WDFY3: variants seen among roughly 807,000 people sequenced by gnomAD.
WDFY3 encodes WD repeat and FYVE domain containing 3.
A neutral mutation model predicts 409.6 loss-of-function variants in WDFY3; 66 were observed. That is an observed-to-expected ratio of 0.16 (90% CI 0.13 to 0.20). The LOEUF (loss-of-function observed/expected upper bound fraction) is 0.20. Ranked by LOEUF, WDFY3 falls within the 10% of genes least tolerant of loss-of-function variation. The probability of loss-of-function intolerance (pLI) is 1.00; values close to 1 mark genes in which losing one functional copy is unlikely to be tolerated. For missense variants in WDFY3, 3,031 were observed against 4,298.1 expected (o/e 0.71, Z 8.24); for synonymous variants, 1,521 against 1,537.1 (o/e 0.99, Z 0.25).
chr4:84,962,272 C>CT (rs914222069), intron 1 of WDFY3, among the ~76,000 whole-genome samples: 98 of 147,370 alleles, frequency 6.6e-4, no homozygotes, highest in Middle Eastern at 3.6e-3. Flanking sequence ...ATCAGAGATT[C>CT]TTTTTTTTTT....
Position 84,757,269 on chromosome 4 carries a change from C to CTGGATATCCAGAATATCCAGTAGTAT in WDFY3, c.5189-109_5189-108insATACTACTGGATATTCTGGATATCCA, listed in dbSNP as rs1183791012. On this transcript the variant is annotated intron_variant, in intron 32 of 67. Coordinates refer to ENST00000295888, the MANE Select transcript of WDFY3 (RefSeq NM_014991.6). ...TATGTGTTAACATTTCTATCCAGAA[C>CTGGATATCCAGAATATCCAGTAGTAT]ATTCATACTACTATAGGCAATTAAG... The CTGGATATCCAGAATATCCAGTAGTAT allele has an allele frequency of 8.6e-6, 8 of 932,746 alleles. No individual in the cohort carries two copies. The African/African-American group carries it at 1.3e-4, about 15-fold the overall frequency. 57.8% of individuals were successfully genotyped at this position (932,746 alleles called of 1,614,324 possible). A position where few individuals can be genotyped will look rare whatever the true frequency, so the allele number is the denominator to read the frequency against.
At chr4:84,922,628 T>C (rs201752973) in intron 2 of WDFY3, among the ~76,000 whole-genome samples, 2 of 152,196 alleles carry the variant, frequency 1.3e-5, no homozygotes, top group East Asian at 1.9e-4. Context: ...TTTAATCTTA[T>C]TGCTTTTACC....
At chr4:84,857,726 A>G (rs1024527389) in intron 4 of WDFY3, among the ~76,000 whole-genome samples, 5 of 152,124 alleles carry the variant, frequency 3.3e-5, no homozygotes, top group African/African-American at 1.2e-4. Flanking sequence ...TTCCTACTCT[A>G]CCATCTCCTC....
intron 34 of WDFY3, 37 bp from the exon 35 acceptor site, chr4:84,753,913 G>C (rs1365856124): frequency 1.3e-6 from 2 of 1,500,732 alleles, no homozygotes; most frequent in African/African-American, 1.4e-5. Flanking sequence ...CTATGTTACA[G>C]TTATTGACAC....
chr4:84,717,820 G>A lies in WDFY3; in HGVS notation c.7754+602C>T, dbSNP rs537358743. On this transcript the variant is annotated intron_variant, in intron 48 of 67. Transcript: ENST00000295888. Reference sequence around the variant, plus strand: ...TCCCAACACTTTGGGAGGCCGAGGCGGGCGGATCACAAGGTCAGGAGATTG... The same window carrying A: ...TCCCAACACTTTGGGAGGCCGAGGCAGGCGGATCACAAGGTCAGGAGATTG... Among the ~76,000 whole-genome samples, 26 of 152,144 alleles carry A rather than the reference G, an allele frequency of 1.7e-4. 1 individual carries two copies. In the South Asian group the frequency reaches 4.4e-3, roughly 25 times the overall value.
chr4:84,815,500 C>G (rs1410279771), intron 13 of WDFY3, among the ~76,000 whole-genome samples: 1 of 152,148 alleles, frequency 6.6e-6, no homozygotes, highest in Non-Finnish European at 1.5e-5. Context: ...AAGGAAAATA[C>G]AAGTTCATGT....
chr4:84,766,297 A>C lies in WDFY3; in HGVS notation c.4925T>G (p.Leu1642Arg), dbSNP rs777245154. The part of the protein sequence containing the change: ...LLRNRLLDIL[L>R]KLIYTSKEKT... ...TTCTTTAGATGTATAAATTAGTTTT[A>C]GCAAGATATCCAGAAGTCTGTTCCT... Residue 1642 changes from leucine to arginine, a missense_variant, in exon 31 of 68, where the codon CTA becomes CGA. Transcript: ENST00000295888. The C allele has an allele frequency of 1.9e-6, 3 of 1,601,026 alleles. No homozygotes were observed. The South Asian group carries it at 3.4e-5, about 18-fold the overall frequency.
chr4:84,838,028 T>G (rs560549268), intron 6 of WDFY3, among the ~76,000 whole-genome samples: 76 of 152,236 alleles, frequency 5.0e-4, no homozygotes, highest in African/African-American at 1.8e-3. Context: ...TGACTAACAC[T>G]GCCAGGAATG....
intron 45 of WDFY3, among the ~76,000 whole-genome samples, chr4:84,725,265 A>G (rs539790281): frequency 6.6e-6 from 1 of 152,332 alleles, no homozygotes; most frequent in South Asian, 2.1e-4. Flanking sequence ...TGTTGTGTAA[A>G]GGAATATGAT....
chr4:84,828,471 C>G lies in WDFY3; in HGVS notation c.956+533G>C, dbSNP rs184910428. 3.4e-3 allele frequency among the ~76,000 whole-genome samples: 511 copies of G among 152,234 alleles called. 1 individual carries two copies. Among genetic ancestry groups the G allele is most frequent in the Non-Finnish European group, 5.2e-3 (355 of 68,002 alleles). On this transcript the variant is annotated intron_variant, in intron 9 of 67. Transcript: ENST00000295888. ...TTTAAGAAGATATTAATTAGTTTAT[C>G]TAAATTCTTCTCCCTCAGCTACTAA...
chr4:84,929,960 T>C (rs959278867), intron 2 of WDFY3, among the ~76,000 whole-genome samples: 10 of 149,242 alleles, frequency 6.7e-5, no homozygotes, highest in East Asian at 3.9e-4. Flanking sequence ...AGGAAGACCG[T>C]GCAAAGAGAC....
chr4:84,724,134 CAT>C (rs1163788705), intron 46 of WDFY3, among the ~76,000 whole-genome samples: 1 of 152,082 alleles, frequency 6.6e-6, no homozygotes, highest in Admixed American at 6.5e-5. Context: ...TGAAAAAATA[CAT>C]ATGTGTATTA....
At chr4:84,821,826 T>C (rs886156813) in intron 10 of WDFY3, among the ~76,000 whole-genome samples, 4 of 152,186 alleles carry the variant, frequency 2.6e-5, no homozygotes, top group Non-Finnish European at 2.9e-5. Context: ...AATAAAAGCA[T>C]ATTATTATAA....
At chr4:84,745,685 T>C (rs1212445695) in intron 36 of WDFY3, among the ~76,000 whole-genome samples, 2 of 152,166 alleles carry the variant, frequency 1.3e-5, no homozygotes, top group East Asian at 1.9e-4. Context: ...GGAGTTTGGT[T>C]TGTCATTAAA....
Position 84,677,316 on chromosome 4 carries a change from G to A in WDFY3, c.10340C>T (p.Ala3447Val). ...TTCATCCTTCACCCAGTGATCAGCA[G>A]CAGAACGGCCTGGCTGGTCACTCAC... ...WSVSDQPGRS[A>V]ADHWVKDEGG... The change falls in exon 67 of 68, where the codon GCT becomes GTT. Residue 3447 changes from alanine to valine, a missense_variant. Physicochemically the swap from Ala to Val is moderately conservative, Grantham distance 64. Around this residue, in one of 16 missense-constraint regions of WDFY3, gnomAD observed 378 missense variants for 477.3 expected, o/e 0.79. Coordinates refer to ENST00000295888, the MANE Select transcript of WDFY3 (RefSeq NM_014991.6). The A allele has an allele frequency of 6.2e-7, 1 of 1,614,214 alleles. No homozygotes were observed. The highest frequency in any genetic ancestry group is 8.5e-7 in the Non-Finnish European group (1 of 1,180,036).
In WDFY3 at chr4:84,932,368, T is replaced by C. The variant is rs962988379; in HGVS notation, c.-225-5A>G. On this transcript the variant is annotated splice_polypyrimidine_tract_variant and splice_region_variant and intron_variant, in intron 1 of 67. Transcript: ENST00000295888. Reference sequence around the variant, plus strand: ...AGACGTGGAGAAGTATTATACCTGATGAAGGAAAGGAAAAGAAAACTCAGT... The same window carrying C: ...AGACGTGGAGAAGTATTATACCTGACGAAGGAAAGGAAAAGAAAACTCAGT... The C allele has an allele frequency of 2.0e-5, 3 of 152,138 alleles. No homozygotes were observed. Among genetic ancestry groups the C allele is most frequent in the Non-Finnish European group, 4.4e-5 (3 of 68,022 alleles). The allele number at this position is 152,138 out of a possible 1,614,324, so 9.4% of individuals were successfully genotyped here.
intron 1 of WDFY3, among the ~76,000 whole-genome samples, chr4:84,939,871 A>G (rs1771896529): frequency 6.6e-6 from 1 of 152,076 alleles, no homozygotes; most frequent in Non-Finnish European, 1.5e-5. Flanking sequence ...TAATTCCAAG[A>G]ATTTGGAGTT....
intron 3 of WDFY3, among the ~76,000 whole-genome samples, chr4:84,878,663 T>C (rs139387378): frequency 4.5e-4 from 68 of 152,284 alleles, no homozygotes; most frequent in African/African-American, 1.6e-3. Context: ...CTTTAAAAAA[T>C]TCCTCTCTAC....
chr4:84,910,480 C>T (rs1305834123), intron 2 of WDFY3, among the ~76,000 whole-genome samples: 1 of 152,026 alleles, frequency 6.6e-6, no homozygotes, highest in Non-Finnish European at 1.5e-5. Context: ...TATGGACCAA[C>T]AGAATGGAAC....
Sources: allele counts gnomAD v4.1 joint callset (sites outside exome capture counted in the v4.1 genomes callset), GRCh38; gene constraint gnomAD v4.1.1; regional missense constraint gnomAD v4.1.1; transcripts MANE v1.5; gene names NCBI Gene and HGNC (gene_info 2026-07-23, HGNC 2026-07-21).